Variants in PDE6B observed in about 807,000 individuals in gnomAD.
PDE6B encodes the protein phosphodiesterase 6B.
PDE6B carries 106 observed loss-of-function variants against 109.0 expected under a neutral mutation model. The ratio of observed to expected loss-of-function variants is 0.97; its 90% CI spans 0.83 to 1.14. PDE6B has a LOEUF of 1.14. PDE6B is among the 50% of genes most tolerant of loss of function. The probability of loss-of-function intolerance (pLI) is 0.00; values close to 1 mark genes in which losing one functional copy is unlikely to be tolerated. For synonymous variants in PDE6B, 490 were observed against 471.3 expected, an observed-to-expected ratio of 1.04 and a Z score of -0.51; for missense variants, 1,193 against 1,155.6, an observed-to-expected ratio of 1.03 and a Z score of -0.47.
At chr4:659,588 T>G (rs1736795940) in intron 11 of PDE6B, among the ~76,000 whole-genome samples, 1 of 149,778 alleles carries the variant, frequency 6.7e-6, no homozygotes, top group Non-Finnish European at 1.5e-5. Flanking sequence ...TGTGTGCACA[T>G]GTGGGTATGT....
chr4:655,846 C>T (rs1369946337), intron 6 of PDE6B, 94 bp from the exon 7 acceptor site: 3 of 814,042 alleles, frequency 3.7e-6, no homozygotes, highest in Non-Finnish European at 6.6e-6. Flanking sequence ...ACCAGCCCCT[C>T]TCACCCCTGC....
Position 648,538 on chromosome 4 carries a change from C to T in PDE6B, c.712-5314C>T, listed in dbSNP as rs1427052481. Among the ~76,000 whole-genome samples the T allele has an allele frequency of 3.3e-5, 5 of 152,174 alleles. No individual in the cohort carries two copies. The highest frequency in any genetic ancestry group is 6.5e-5 in the Admixed American group (1 of 15,276). On this transcript the variant is annotated intron_variant, in intron 3 of 21. Transcript: ENST00000496514. This position sits in a 1 kb window ranked among gnomAD's most constrained non-coding sequence, Gnocchi z 4.5. ...TGGGCGCTCCCCCCTCCCTCTGTCC[C>T]GGGCCCTCACCTGGACAATCAGGAA...
chr4:657,605 TCCAGGGGTCAC>T lies in PDE6B; in HGVS notation c.1401+123_1401+133del, dbSNP rs1276810841. On this transcript the variant is annotated intron_variant, in intron 10 of 21. Coordinates refer to ENST00000496514, the MANE Select transcript of PDE6B (RefSeq NM_000283.4). ...TCGGCTGTGTGGTGGGGGCAGGTCATCCAGGGGTCACCCAGGGGTCACGGCTGTGCGGTGGG... is the reference window on the plus strand; with the variant it reads ...TCGGCTGTGTGGTGGGGGCAGGTCATCCAGGGGTCACGGCTGTGCGGTGGG... 1.5e-5 allele frequency: 15 copies of T among 999,648 alleles called. No individual in the cohort carries two copies. The African/African-American group carries it at 2.4e-4, about 16-fold the overall frequency. The allele number at this position is 999,648 out of a possible 1,614,324, so 61.9% of individuals were successfully genotyped here.
chr4:625,716 G>C lies in PDE6B; in HGVS notation c.90G>C (p.Glu30Asp). ...RQYFGKKLSP[E>D]NVAAACEDGC... is the part of the protein sequence containing the mutation. ...ACTTTGGGAAGAAACTGAGCCCTGA[G>C]AATGTGGCCGCGGCCTGCGAGGACG... The change falls in exon 1 of 22, where the codon GAG becomes GAC. Residue 30 changes from glutamate (E) to aspartate (D), a missense_variant. Physicochemically the swap from Glu to Asp is conservative, Grantham distance 45 (BLOSUM62 2). Transcript: ENST00000496514. The surrounding 1 kb of genome is among the most constrained non-coding windows in gnomAD (Gnocchi z 5.0). 6.2e-7 allele frequency: 1 copy of C among 1,613,812 alleles called. No homozygotes were observed. Among genetic ancestry groups the C allele is most frequent in the Non-Finnish European group, 8.5e-7 (1 of 1,179,996 alleles).
At chr4:653,801 G>T (rs558123358) in intron 3 of PDE6B, 51 bp from the exon 4 acceptor site, 5 of 1,604,754 alleles carry the variant, frequency 3.1e-6, no homozygotes, top group East Asian at 2.2e-5. Context: ...TGGTCAGACC[G>T]GCGTGAGGGT....
At position 663,128 on chromosome 4, in the gene PDE6B, G is replaced by A. The variant is rs757161177; in HGVS notation, c.1861G>A (p.Gly621Ser). The A allele has an allele frequency of 1.9e-5, 30 of 1,612,130 alleles. No homozygotes were observed. The South Asian group carries it at 2.3e-4, about 12-fold the overall frequency. Residue 621 changes from glycine to serine, a missense_variant, in exon 15 of 22, where the codon GGC becomes AGC. Transcript: ENST00000496514. The surrounding 1 kb of genome is among the most constrained non-coding windows in gnomAD (Gnocchi z 4.0). ...CCAGAACCCCTTGGCTAAGCTCCAC[G>A]GCTCCTCGATTTTGGAGCGGCACCA... Reference protein sequence around the residue: ...KSQNPLAKLHGSSILERHHLE... With the variant: ...KSQNPLAKLHSSSILERHHLE...
At chr4:645,541 C>T (rs561918128) in intron 3 of PDE6B, among the ~76,000 whole-genome samples, 3 of 151,806 alleles carry the variant, frequency 2.0e-5, no homozygotes, top group South Asian at 4.2e-4. Context: ...GTGATCCGCC[C>T]GCCTCGGCCT....
At chr4:630,215 AGGCCGAGGGATCCATCCCTGT>A (rs1327320111) in intron 1 of PDE6B, among the ~76,000 whole-genome samples, 49 of 152,234 alleles carry the variant, frequency 3.2e-4, no homozygotes, top group African/African-American at 1.1e-3. Context: ...TCGGACAGGG[AGGCCGAGGGATCCATCCCTGT>A]GGCCGAGGGG....
intron 3 of PDE6B, among the ~76,000 whole-genome samples, chr4:646,941 G>A (rs1459168022): frequency 1.3e-5 from 2 of 151,310 alleles, no homozygotes; most frequent in Admixed American, 6.6e-5. Flanking sequence ...CACTGCAGCC[G>A]CCGCTTCCTG....
Position 670,499 on chromosome 4 carries a change from C to T in PDE6B, c.*392C>T, listed in dbSNP as rs1738397244. 15 of 251,890 alleles carry T rather than the reference C, an allele frequency of 6.0e-5. 1 individual carries two copies. The South Asian group carries it at 6.3e-4, about 11-fold the overall frequency. 15.6% of individuals were successfully genotyped at this position (251,890 alleles called of 1,614,324 possible). ...CTCAGGTGATCACCCGCCTCAGCTT[C>T]CTGAAGTGCTGGGATTACAGGCATG... On this transcript the variant is annotated 3_prime_UTR_variant, in exon 22 of 22. Transcript: ENST00000496514.
intron 1 of PDE6B, 114 bp from the exon 2 acceptor site, chr4:634,563 C>A: frequency 1.1e-6 from 1 of 889,554 alleles, no homozygotes; most frequent in Non-Finnish European, 1.9e-6. Context: ...GGCCCCTGGG[C>A]ACCTCACACC....
intron 1 of PDE6B, among the ~76,000 whole-genome samples, chr4:632,162 T>C (rs1015433887): frequency 1.3e-5 from 2 of 151,636 alleles, no homozygotes; most frequent in African/African-American, 4.8e-5. Flanking sequence ...CTGGTATATG[T>C]CCAGGTGTCA....
At chr4:640,414 C>T (rs1202787590) in intron 3 of PDE6B, among the ~76,000 whole-genome samples, 1 of 152,092 alleles carries the variant, frequency 6.6e-6, no homozygotes, top group Non-Finnish European at 1.5e-5. Flanking sequence ...TGGCGGGCAC[C>T]TGTAATCCCA....
In PDE6B at chr4:666,715, G is replaced by T; in HGVS notation, c.2352+101G>T. 1.3e-6 allele frequency: 1 copy of T among 788,766 alleles called. No individual in the cohort carries two copies. The highest frequency in any genetic ancestry group is 1.9e-5 in the Admixed American group (1 of 53,330). The allele number at this position is 788,766 out of a possible 1,614,324, so 48.9% of individuals were successfully genotyped here. A position where few individuals can be genotyped will look rare whatever the true frequency, so the allele number is the denominator to read the frequency against. ...CGCGTGGACTCACACGGGCCCGGCG[G>T]TGTCCTCACTGGAGTAGGGATGCCA... On this transcript the variant is annotated intron_variant, in intron 20 of 21. Transcript: ENST00000496514. This position sits in a 1 kb window ranked among gnomAD's most constrained non-coding sequence, Gnocchi z 5.6.
At chr4:644,144 C>G (rs956984581) in intron 3 of PDE6B, among the ~76,000 whole-genome samples, 2 of 151,798 alleles carry the variant, frequency 1.3e-5, no homozygotes, top group East Asian at 3.9e-4. Flanking sequence ...GTCTCGATCT[C>G]TCGACCTCGT....
Position 657,482 on chromosome 4 carries a change from C to T in PDE6B, c.1389C>T (p.Ile463=). ...ACGTGAAGTGCGACAGGGACGAGAT[C>T]CAGCTCATCCTGGTGCGGCGGGGCA... is the stretch of plus-strand genomic sequence containing the variant. ...LYHVKCDRDE[I]QLILPTRARL... is the part of the protein sequence containing the mutation. The change falls in exon 10 of 22, where the codon ATC becomes ATT. Residue 463 remains isoleucine, a synonymous_variant. Coordinates refer to ENST00000496514, the MANE Select transcript of PDE6B (RefSeq NM_000283.4). The T allele has an allele frequency of 6.2e-7, 1 of 1,613,112 alleles. No individual in the cohort carries two copies. Among genetic ancestry groups the T allele is most frequent in the African/African-American group, 1.3e-5 (1 of 75,030 alleles).
intron 8 of PDE6B, 68 bp from the exon 9 acceptor site, chr4:656,806 C>T (rs923732452): frequency 4.7e-6 from 7 of 1,503,748 alleles, no homozygotes; most frequent in East Asian, 2.3e-5. Flanking sequence ...AGGTCACTCT[C>T]CCCGGCCACA....
At position 653,840 on chromosome 4, in the gene PDE6B, C is replaced by G; in HGVS notation, c.712-12C>G. Reference sequence around the variant, plus strand: ...AGTGGCCACAGGCCCACAGGTGTGCCCCTCCCTCCAGGTGCTGCTGTGGTC... The same window carrying G: ...AGTGGCCACAGGCCCACAGGTGTGCGCCTCCCTCCAGGTGCTGCTGTGGTC... On this transcript the variant is annotated splice_polypyrimidine_tract_variant and intron_variant, in intron 3 of 21. Coordinates refer to ENST00000496514, the MANE Select transcript of PDE6B (RefSeq NM_000283.4). 1 of 1,613,274 alleles carries G rather than the reference C, an allele frequency of 6.2e-7. No homozygotes were observed. Among genetic ancestry groups the G allele is most frequent in the East Asian group, 2.2e-5 (1 of 44,864 alleles).
At chr4:664,491 C>A (rs796338962) in intron 17 of PDE6B, among the ~76,000 whole-genome samples, 14 of 152,282 alleles carry the variant, frequency 9.2e-5, no homozygotes, top group African/African-American at 2.9e-4. Flanking sequence ...ACTTTTTCAC[C>A]TGTAAAATGG....
Sources: allele counts gnomAD v4.1 joint callset (sites outside exome capture counted in the v4.1 genomes callset), GRCh38; gene constraint gnomAD v4.1.1; non-coding constraint Gnocchi (gnomAD v3.1); transcripts MANE v1.5; gene names NCBI Gene and HGNC (gene_info 2026-07-23, HGNC 2026-07-21).